Variants in UBA6 observed in about 807,000 individuals in gnomAD.
UBA6 encodes the protein ubiquitin-like modifier-activating enzyme 6.
UBA6 carries 87 observed loss-of-function variants against 148.3 expected under a neutral mutation model. That is an observed-to-expected ratio of 0.59 (90% CI 0.49 to 0.70). UBA6 has a LOEUF of 0.70. Among genes scored for constraint, UBA6 ranks in the 30% least tolerant of loss-of-function variants. The pLI, the probability that UBA6 is intolerant of heterozygous loss-of-function variation, is 0.00. For synonymous variants in UBA6, 376 were observed against 401.0 expected (o/e 0.94, Z 0.75); for missense variants, 1,186 against 1,241.2 (o/e 0.96, Z 0.67).
At chr4:67,643,414 T>A (rs907762769) in intron 17 of UBA6, among the ~76,000 whole-genome samples, 3 of 152,046 alleles carry the variant, frequency 2.0e-5, no homozygotes. Context: ...GATGCAGTTT[T>A]ACATTTGCTT....
intron 13 of UBA6, among the ~76,000 whole-genome samples, chr4:67,658,379 C>G (rs1729755416): frequency 6.6e-6 from 1 of 152,292 alleles, no homozygotes; most frequent in African/African-American, 2.4e-5. Context: ...CATAATTGCT[C>G]AGACTGAAAA....
chr4:67,648,284 T>A (rs1342558510), intron 14 of UBA6, among the ~76,000 whole-genome samples: 1 of 151,080 alleles, frequency 6.6e-6, no homozygotes, highest in Non-Finnish European at 1.5e-5. Flanking sequence ...CTGGCCAACA[T>A]AATGAAATCC....
chr4:67,619,635 A>G (rs1728708185), intron 32 of UBA6, among the ~76,000 whole-genome samples: 1 of 152,204 alleles, frequency 6.6e-6, no homozygotes, highest in African/African-American at 2.4e-5. Flanking sequence ...TAAAAAATTG[A>G]TTTTCCTCCT....
At position 67,624,978 on chromosome 4, in the gene UBA6, G is replaced by T; in HGVS notation, c.2712+16C>A. ...ATGAAAAAGGAGCATTTTTATTCAA[G>T]GAATAATAAACTTACCAAGCCAGAA... On this transcript the variant is annotated intron_variant, in intron 29 of 32. Transcript: ENST00000322244. The T allele has an allele frequency of 6.4e-7, 1 of 1,554,606 alleles. No homozygotes were observed. Among genetic ancestry groups the T allele is most frequent in the South Asian group, 1.2e-5 (1 of 82,740 alleles).
chr4:67,682,031 T>C (rs1216487460), intron 3 of UBA6, 88 bp downstream of exon 3: 21 of 964,388 alleles, frequency 2.2e-5, no homozygotes, highest in African/African-American at 3.3e-5. Context: ...ACTTCCTTTA[T>C]AGGAAATATA....
At chr4:67,644,375 C>A (rs1577804285) in intron 17 of UBA6, among the ~76,000 whole-genome samples, 2 of 152,058 alleles carry the variant, frequency 1.3e-5, no homozygotes, top group Admixed American at 1.3e-4. Flanking sequence ...ACAGAAATAA[C>A]AACATATTTT....
At chr4:67,635,301 ATTATATTTT>A in intron 20 of UBA6, 143 bp downstream of exon 20, 2 of 479,570 alleles carry the variant, frequency 4.2e-6, no homozygotes. Flanking sequence ...AAAAAGTTCA[ATTATATTTT>A]AAAAAATGTA....
intron 22 of UBA6, 72 bp downstream of exon 22, chr4:67,634,170 T>C (rs1483344605): frequency 7.8e-6 from 8 of 1,030,032 alleles, no homozygotes; most frequent in Non-Finnish European, 1.1e-5. Flanking sequence ...ATAAATCACT[T>C]GTAGATGACT....
intron 28 of UBA6, 91 bp downstream of exon 28, chr4:67,626,269 G>A: frequency 1.3e-6 from 1 of 744,706 alleles, no homozygotes; most frequent in South Asian, 1.5e-5. Context: ...TATTATTGTT[G>A]TGATTAAATT....
intron 10 of UBA6, 95 bp from the exon 11 acceptor site, chr4:67,664,042 T>TCTC: frequency 1.1e-6 from 1 of 948,338 alleles, no homozygotes; most frequent in Non-Finnish European, 1.6e-6. Context: ...ACTAGGGAAC[T>TCTC]CTCCCAAGGG....
intron 2 of UBA6, among the ~76,000 whole-genome samples, chr4:67,684,705 G>A (rs1483908850): frequency 6.6e-6 from 1 of 151,960 alleles, no homozygotes; most frequent in Non-Finnish European, 1.5e-5. Flanking sequence ...TGGGTTTTTT[G>A]TCTGCTTGTT....
At chr4:67,695,111 G>A (rs929509731) in intron 2 of UBA6, among the ~76,000 whole-genome samples, 4 of 152,084 alleles carry the variant, frequency 2.6e-5, no homozygotes, top group African/African-American at 9.7e-5. Flanking sequence ...AGTTTCACAA[G>A]GATTAAACTA....
rs1033417937 is a variant in UBA6, at chr4:67,628,653, T to C, written c.2400+418A>G. Among the ~76,000 whole-genome samples, 4 of 152,064 alleles carry C rather than the reference T, an allele frequency of 2.6e-5. No individual in the cohort carries two copies. In the East Asian group the frequency reaches 5.8e-4, roughly 22 times the overall value. On this transcript the variant is annotated intron_variant, in intron 27 of 32. Transcript: ENST00000322244. Reference sequence around the variant, plus strand: ...CAAAATACATTGGTCCAATGTATTTTATACATTCCTTCAGAAGGTATTATT... The same window carrying C: ...CAAAATACATTGGTCCAATGTATTTCATACATTCCTTCAGAAGGTATTATT...
intron 2 of UBA6, among the ~76,000 whole-genome samples, chr4:67,687,129 G>A (rs191929107): frequency 1.5e-4 from 22 of 142,844 alleles, no homozygotes; most frequent in African/African-American, 4.4e-4. Flanking sequence ...TCTGCCTCCC[G>A]GGTTCAAGTG....
Position 67,673,788 on chromosome 4 carries a change from A to G in UBA6, c.466-11T>C. On this transcript the variant is annotated splice_polypyrimidine_tract_variant and intron_variant, in intron 6 of 32. Transcript: ENST00000322244. ...AGTCAATACTACACACTGTTGAGAA[A>G]ACAACAAATTAAAAACTAGAAAATA... 6.3e-7 allele frequency: 1 copy of G among 1,576,058 alleles called. No individual in the cohort carries two copies. The highest frequency in any genetic ancestry group is 8.7e-7 in the Non-Finnish European group (1 of 1,154,864).
rs138912167 is a variant in UBA6, at chr4:67,701,105, C to A, written c.15G>T (p.Glu5Asp). MEGS[E>D]PVAAHQGEEA... The stretch of plus-strand genomic sequence containing the variant: ...CTTCCCCCTGATGGGCGGCCACAGG[C>A]TCGGATCCTTCCATTGCCGCCTGAG... Residue 5 changes from glutamate (E) to aspartate (D), a missense_variant, in exon 1 of 33, where the codon GAG becomes GAT. Glu to Asp is a conservative substitution (Grantham distance 45). Coordinates refer to ENST00000322244, the MANE Select transcript of UBA6 (RefSeq NM_018227.6). The A allele has an allele frequency of 1.1e-4, 173 of 1,613,578 alleles. No homozygotes were observed. Among genetic ancestry groups the A allele is most frequent in the Non-Finnish European group, 1.5e-5 (18 of 1,179,822 alleles).
rs1577780589 is a variant in UBA6 at position 67,615,179 on chromosome 4, T to C, written c.*3818A>G. 1 of 152,370 alleles carries C rather than the reference T, an allele frequency of 6.6e-6. No individual in the cohort carries two copies. The highest frequency in any genetic ancestry group is 1.9e-4 in the East Asian group (1 of 5,188). The allele number at this position is 152,370 out of a possible 1,614,324, so 9.4% of individuals were successfully genotyped here. A position where few individuals can be genotyped will look rare whatever the true frequency, so the allele number is the denominator to read the frequency against. On this transcript the variant is annotated 3_prime_UTR_variant, in exon 33 of 33. Coordinates refer to ENST00000322244, the MANE Select transcript of UBA6 (RefSeq NM_018227.6). Reference sequence around the variant, plus strand: ...GAGGTGTTCGGGTTATGGGGATGGATATCTGGATCCCTCATAAATGGCTTG... The same window carrying C: ...GAGGTGTTCGGGTTATGGGGATGGACATCTGGATCCCTCATAAATGGCTTG...
chr4:67,694,808 C>T (rs1730793489), intron 2 of UBA6, among the ~76,000 whole-genome samples: 1 of 152,194 alleles, frequency 6.6e-6, no homozygotes, highest in Admixed American at 6.5e-5. Flanking sequence ...CCTGCCCTCA[C>T]TATGACAAAT....
intron 2 of UBA6, among the ~76,000 whole-genome samples, chr4:67,690,191 G>T (rs922845574): frequency 6.6e-6 from 1 of 152,026 alleles, no homozygotes; most frequent in Admixed American, 6.6e-5. Flanking sequence ...AGTATGGCCA[G>T]TGTATTCAGA....
Sources: gnomAD v4.1 joint callset for allele counts (sites outside exome capture counted in the v4.1 genomes callset) on GRCh38, gnomAD v4.1.1 for gene constraint, MANE v1.5 for transcripts, NCBI Gene and HGNC (gene_info 2026-07-23, HGNC 2026-07-21) for gene names.